TUG1: variants seen among roughly 807,000 people sequenced by gnomAD.
TUG1 encodes taurine upregulated gene 1.
At chr22:30,970,590 C>T (rs561554581) in exon 1 of TUG1, 3 of 152,350 alleles carry the variant, frequency 2.0e-5, no homozygotes, top group Admixed American at 2.0e-4. Flanking sequence ...ACTCTGTTAT[C>T]TGCTGCTTGT....
At chr22:30,976,453 A>G (rs904584651) in exon 3 of TUG1, 7 of 152,216 alleles carry the variant, frequency 4.6e-5, no homozygotes, top group African/African-American at 1.7e-4. Flanking sequence ...AACAAAATCT[A>G]TGAAGACTGC....
chr22:30,978,996 A>G (rs2041319528), exon 3 of TUG1: 1 of 152,192 alleles, frequency 6.6e-6, no homozygotes, highest in South Asian at 2.1e-4. Flanking sequence ...TGAAACAGGA[A>G]CTGAGGGAAT....
At chr22:30,970,032 A>G (rs1160348465) in exon 1 of TUG1, 1 of 152,204 alleles carries the variant, frequency 6.6e-6, no homozygotes, top group Non-Finnish European at 1.5e-5. Context: ...GTGTACGTAA[A>G]GGATGGTTAT....
exon 3 of TUG1, chr22:30,977,776 T>C (rs1198280251): frequency 6.6e-6 from 1 of 152,218 alleles, no homozygotes; most frequent in Middle Eastern, 3.2e-3. Context: ...GTCTATCTTG[T>C]GCCCAATACA....
At chr22:30,973,736 TTA>T (rs1476869795) in intron 2 of TUG1, 149 bp downstream of exon 2, 1 of 152,206 alleles carries the variant, frequency 6.6e-6, no homozygotes, top group Non-Finnish European at 1.5e-5. Flanking sequence ...AGTTAAGCAA[TTA>T]TCCAAGGTGA....
At chr22:30,972,421 A>G (rs1488638749) in intron 1 of TUG1, 1 of 152,226 alleles carries the variant, frequency 6.6e-6, no homozygotes, top group East Asian at 1.9e-4. Flanking sequence ...TTAAAAGGAG[A>G]AGGTCATAAG....
exon 1 of TUG1, chr22:30,971,041 AGG>A (rs2041224261): frequency 6.6e-6 from 1 of 152,188 alleles, no homozygotes; most frequent in Admixed American, 6.5e-5. Flanking sequence ...ATCAAATTTC[AGG>A]CCATTATCCA....
chr22:30,974,123 T>G (rs1393083840), intron 2 of TUG1: 2 of 152,182 alleles, frequency 1.3e-5, no homozygotes, highest in Admixed American at 1.3e-4. Context: ...GTCCTATCTT[T>G]GCAAACTAGT....
exon 3 of TUG1, chr22:30,975,751 C>T (rs2041281052): frequency 6.6e-6 from 1 of 152,192 alleles, no homozygotes; most frequent in African/African-American, 2.4e-5. Flanking sequence ...ACTTTGAAGT[C>T]TTGACCCTCC....
exon 2 of TUG1, chr22:30,972,996 C>A: frequency 6.5e-6 from 1 of 153,410 alleles, no homozygotes; most frequent in Non-Finnish European, 1.5e-5. Flanking sequence ...GACACCCATT[C>A]CAGTGGACCA....
chr22:30,977,107 TTAAGA>T (rs2041297301), exon 3 of TUG1: 2 of 152,208 alleles, frequency 1.3e-5, no homozygotes, highest in Non-Finnish European at 2.9e-5. Flanking sequence ...AAGGAATGAC[TTAAGA>T]TGAAGATGAT....
rs1163930746 is a variant in TUG1, at chr22:30,975,155, T to C, written c.*2695-15T>C. ...TACAGTTTCTGCTTTCTGTGACCTA[T>C]TTTTTGTATTTCAGCATTTTGTGAC... is the stretch of plus-strand genomic sequence containing the variant. On this transcript the variant is annotated splice_polypyrimidine_tract_variant and intron_variant, in intron 2 of 2. Transcript: ENST00000644773. 6.6e-6 allele frequency: 1 copy of C among 152,246 alleles called. No individual in the cohort carries two copies. Among genetic ancestry groups the C allele is most frequent in the African/African-American group, 2.4e-5 (1 of 41,462 alleles). 9.4% of individuals were successfully genotyped at this position (152,246 alleles called of 1,614,324 possible). A position where few individuals can be genotyped will look rare whatever the true frequency, so the allele number is the denominator to read the frequency against.
chr22:30,969,512 C>G (rs1256920975), exon 1 of TUG1: 1 of 152,056 alleles, frequency 6.6e-6, no homozygotes, highest in Non-Finnish European at 1.5e-5. Flanking sequence ...GCCGTTGGCG[C>G]TCGCGCCGCG....
chr22:30,971,978 G>A (rs957467997), intron 1 of TUG1, 199 bp downstream of exon 1: 6 of 152,092 alleles, frequency 3.9e-5, no homozygotes, highest in African/African-American at 9.7e-5. Context: ...ATGACATTTC[G>A]TTATGTATCC....
chr22:30,969,524 C>T (rs1190641810), exon 1 of TUG1: 1 of 152,088 alleles, frequency 6.6e-6, no homozygotes, highest in Admixed American at 6.5e-5. Context: ...CGCGCCGCGT[C>T]TTTCTTCTCG....
exon 3 of TUG1, chr22:30,978,088 A>C (rs955556597): frequency 6.6e-6 from 1 of 152,186 alleles, no homozygotes; most frequent in Non-Finnish European, 1.5e-5. Context: ...GCAAAAGAAG[A>C]AAAGTTTCCA....
chr22:30,971,912 T>C (rs984826475), intron 1 of TUG1, 133 bp downstream of exon 1: 4 of 152,270 alleles, frequency 2.6e-5, no homozygotes, highest in African/African-American at 9.6e-5. Flanking sequence ...TATCCAACTC[T>C]TATGCCCTCT....
At chr22:30,974,039 A>G (rs535556512) in intron 2 of TUG1, 1 of 152,324 alleles carries the variant, frequency 6.6e-6, no homozygotes, top group South Asian at 2.1e-4. Context: ...AAAGCTACCC[A>G]ATATGAAACA....
At chr22:30,975,068 T>C (rs1162123171) in intron 2 of TUG1, 102 bp from the exon 3 acceptor site, 3 of 152,240 alleles carry the variant, frequency 2.0e-5, no homozygotes, top group African/African-American at 7.2e-5. Flanking sequence ...TCCATCAACC[T>C]GTAATGTGGT....
Sources: allele counts gnomAD v4.1 joint callset, GRCh38; gene constraint gnomAD v4.1.1; transcripts MANE v1.5; gene names NCBI Gene and HGNC (gene_info 2026-07-23, HGNC 2026-07-21).